Variants in LRP2 observed in about 807,000 individuals in gnomAD.
LRP2 encodes the protein LDL receptor related protein 2.
Under a neutral mutation model 531.0 loss-of-function variants are expected in LRP2, and 172 were observed. The observed-to-expected ratio is 0.32, with a 90% CI of 0.29 to 0.37. The LOEUF is 0.37. Among genes scored for constraint, LRP2 ranks in the 10% least tolerant of loss-of-function variants. LRP2 has a pLI of 1.00. For missense variants in LRP2, 5,167 were observed against 5,868.3 expected, an observed-to-expected ratio of 0.88 and a Z score of 3.90; for synonymous variants, 1,992 against 2,027.6, an observed-to-expected ratio of 0.98 and a Z score of 0.47.
At chr2:169,323,845 T>C (rs552835937) in intron 1 of LRP2, among the ~76,000 whole-genome samples, 2 of 50,958 alleles carry the variant, frequency 3.9e-5, no homozygotes, top group South Asian at 2.1e-3. Flanking sequence ...GTTTGGGGGC[T>C]GCCTGATTAA....
At chr2:169,357,035 A>G (rs1157435244) in intron 1 of LRP2, among the ~76,000 whole-genome samples, 1 of 152,234 alleles carries the variant, frequency 6.6e-6, no homozygotes, top group East Asian at 1.9e-4. Context: ...AAACATTCAC[A>G]GAATACACAA....
At chr2:169,174,911 T>G (rs952458154) in intron 55 of LRP2, among the ~76,000 whole-genome samples, 2 of 149,426 alleles carry the variant, frequency 1.3e-5, no homozygotes, top group African/African-American at 4.9e-5. Flanking sequence ...TCCTCCTCAA[T>G]GTTAGCTCTC....
chr2:169,248,623 A>AAAGAAATAAATAATTATT (rs1419618679), intron 19 of LRP2, among the ~76,000 whole-genome samples: 2 of 150,130 alleles, frequency 1.3e-5, no homozygotes, highest in African/African-American at 2.5e-5. Context: ...AGCAATGTTG[A>AAAGAAATAAATAATTATT]GGGGAGGAGC....
At chr2:169,315,026 C>A (rs891800023) in intron 3 of LRP2, among the ~76,000 whole-genome samples, 2 of 152,084 alleles carry the variant, frequency 1.3e-5, no homozygotes, top group African/African-American at 4.8e-5. Context: ...TACGTCAAGC[C>A]CAAATAATTC....
At chr2:169,286,047 T>C (rs1474402157) in intron 9 of LRP2, among the ~76,000 whole-genome samples, 1 of 152,194 alleles carries the variant, frequency 6.6e-6, no homozygotes, top group Non-Finnish European at 1.5e-5. Flanking sequence ...CCCCTAAAAA[T>C]TCAGCTCAGC....
chr2:169,267,901 C>T (rs1340922914), intron 16 of LRP2, among the ~76,000 whole-genome samples: 1 of 152,074 alleles, frequency 6.6e-6, no homozygotes. Context: ...CAACTAGACA[C>T]AATAAAAAAT....
At chr2:169,291,830 A>T (rs1440496946) in intron 7 of LRP2, among the ~76,000 whole-genome samples, 1 of 152,226 alleles carries the variant, frequency 6.6e-6, no homozygotes, top group Non-Finnish European at 1.5e-5. Context: ...ACTGTTACCA[A>T]GGTTCAAAGT....
Position 169,243,081 on chromosome 2 carries a change from G to T in LRP2, c.3551-9C>A, listed in dbSNP as rs373882047. ...AGCAGTACAGTTTAATACTAAGAAT[G>T]AAAGAGAAAAGCATTAGAAATTAGC... On this transcript the variant is annotated splice_polypyrimidine_tract_variant and intron_variant, in intron 23 of 78. Coordinates refer to ENST00000649046, the MANE Select transcript of LRP2 (RefSeq NM_004525.3). 214 of 1,589,296 alleles carry T rather than the reference G, an allele frequency of 1.3e-4. No homozygotes were observed. In the Middle Eastern group the frequency reaches 2.3e-3, roughly 17 times the overall value.
At chr2:169,324,408 T>C (rs1684988360) in intron 1 of LRP2, among the ~76,000 whole-genome samples, 1 of 152,200 alleles carries the variant, frequency 6.6e-6, no homozygotes, top group South Asian at 2.1e-4. Flanking sequence ...AGTTCATTAT[T>C]GGGCTGGCAT....
At chr2:169,247,132 C>A in intron 20 of LRP2, 146 bp from the exon 21 acceptor site, 1 of 1,040,246 alleles carries the variant, frequency 9.6e-7, no homozygotes, top group Non-Finnish European at 1.4e-6. Context: ...ATCAACCCGC[C>A]AAATACAACA....
At chr2:169,257,052 C>G in intron 18 of LRP2, 72 bp downstream of exon 18, 1 of 1,583,724 alleles carries the variant, frequency 6.3e-7, no homozygotes, top group Non-Finnish European at 8.7e-7. Flanking sequence ...ACCATCATAT[C>G]ACCCAACCTG....
At chr2:169,284,731 C>G (rs555327333) in intron 9 of LRP2, among the ~76,000 whole-genome samples, 5 of 152,152 alleles carry the variant, frequency 3.3e-5, no homozygotes, top group Non-Finnish European at 7.3e-5. Context: ...GAAATGCCCT[C>G]ACTGATGAAT....
intron 3 of LRP2, among the ~76,000 whole-genome samples, chr2:169,315,959 C>CAAAA (rs536458606): frequency 1.2e-3 from 91 of 73,586 alleles, no homozygotes; most frequent in African/African-American, 1.7e-3. Flanking sequence ...CCCATCTCTA[C>CAAAA]AAAAAAAAAA....
intron 50 of LRP2, among the ~76,000 whole-genome samples, chr2:169,182,940 A>G (rs1687494966): frequency 6.6e-6 from 1 of 152,208 alleles, no homozygotes; most frequent in Non-Finnish European, 1.5e-5. Flanking sequence ...TTATAAATGT[A>G]TTTTTATTCA....
intron 12 of LRP2, 23 bp downstream of exon 12, chr2:169,279,349 C>A (rs564886613): frequency 6.5e-7 from 1 of 1,546,618 alleles, no homozygotes; most frequent in South Asian, 1.1e-5. Flanking sequence ...ATACAGGAAT[C>A]AATATGTTTT....
At chr2:169,323,400 G>A (rs775417179) in intron 1 of LRP2, among the ~76,000 whole-genome samples, 50 of 152,128 alleles carry the variant, frequency 3.3e-4, no homozygotes, top group Non-Finnish European at 2.2e-4. Context: ...GGCCTCAGAA[G>A]CTCATTCTCT....
intron 52 of LRP2, among the ~76,000 whole-genome samples, chr2:169,178,480 C>T (rs150926038): frequency 2.0e-4 from 31 of 152,242 alleles, no homozygotes; most frequent in African/African-American, 7.0e-4. Context: ...ATTAACATTC[C>T]GGAGGGGACG....
intron 44 of LRP2, among the ~76,000 whole-genome samples, chr2:169,201,230 T>C (rs1426922213): frequency 6.6e-6 from 1 of 151,154 alleles, no homozygotes; most frequent in Non-Finnish European, 1.5e-5. Context: ...TCAAAATCAG[T>C]TGTAGATCTC....
In LRP2 at chr2:169,209,458, A is replaced by G. The variant is rs1688516736; in HGVS notation, c.6464T>C (p.Val2155Ala). ...TCACCATATAGCTTACATACCTGCT[A>G]CCCAATCCACTGCAATACCCCGGAC... ...NGVRGIAVDW[V>A]AGNLYFTNAF... The change falls in exon 38 of 79, where the codon GTA (valine) becomes GCA (alanine). Residue 2155 changes from valine (V) to alanine (A), a missense_variant. Coordinates refer to ENST00000649046, the MANE Select transcript of LRP2 (RefSeq NM_004525.3). 2 of 1,613,706 alleles carry G rather than the reference A, an allele frequency of 1.2e-6. No homozygotes were observed. The highest frequency in any genetic ancestry group is 1.3e-5 in the African/African-American group (1 of 74,924).
Sources: allele counts gnomAD v4.1 joint callset (sites outside exome capture counted in the v4.1 genomes callset), GRCh38; gene constraint gnomAD v4.1.1; transcripts MANE v1.5; gene names NCBI Gene and HGNC (gene_info 2026-07-23, HGNC 2026-07-21).